Variants in MED12L observed in about 807,000 individuals in gnomAD.
MED12L encodes the protein mediator of RNA polymerase II transcription subunit 12-like protein.
MED12L carries 60 observed loss-of-function variants against 281.3 expected under a neutral mutation model. The ratio of observed to expected loss-of-function variants is 0.21; its 90% CI spans 0.17 to 0.26. The LOEUF is 0.26. MED12L is among the 10% of genes least tolerant of loss of function. The pLI is 1.00. For missense variants in MED12L, 2,146 were observed against 2,680.9 expected (o/e 0.80, Z 4.41); for synonymous variants, 974 against 987.2 (o/e 0.99, Z 0.25).
intron 16 of MED12L, among the ~76,000 whole-genome samples, chr3:151,290,398 C>G (rs543414345): frequency 6.6e-6 from 1 of 152,112 alleles, no homozygotes; most frequent in Non-Finnish European, 1.5e-5. Flanking sequence ...AAGAAAACTT[C>G]AAGAGTATTC....
chr3:151,214,046 C>T (rs770314422), intron 16 of MED12L: 32 of 1,614,020 alleles, frequency 2.0e-5, no homozygotes, highest in South Asian at 1.6e-4. Context: ...CACACAAACA[C>T]GTTCAGCTGC....
intron 16 of MED12L, among the ~76,000 whole-genome samples, chr3:151,339,387 G>A (rs1388626): frequency 0.85 from 127,974 of 150,886 alleles, 54,307 homozygotes; most frequent in Middle Eastern, 0.95. Flanking sequence ...GAAATTGATG[G>A]AAAATTACTC....
chr3:151,268,500 A>T (rs1000971456), intron 16 of MED12L, among the ~76,000 whole-genome samples: 1 of 152,216 alleles, frequency 6.6e-6, no homozygotes, highest in African/African-American at 2.4e-5. Flanking sequence ...GAACCATAAC[A>T]TGAGTTCTAA....
At position 151,357,350 on chromosome 3, in the gene MED12L, T is replaced by C. The variant is rs750205465; in HGVS notation, c.2799T>C (p.Pro933=). Residue 933 remains proline, a synonymous_variant, in exon 20 of 45, where the codon CCT becomes CCC. Transcript: ENST00000687756. ...RRYHSCLILN[P]DQTAQVFEGL... ...ATCACAGTTGTCTAATCTTGAATCCTGATCAGACAGCCCAGGTGTTTGAAG... is the reference window on the plus strand; with the variant it reads ...ATCACAGTTGTCTAATCTTGAATCCCGATCAGACAGCCCAGGTGTTTGAAG... 1 of 1,612,404 alleles carries C rather than the reference T, an allele frequency of 6.2e-7. No homozygotes were observed. Among genetic ancestry groups the C allele is most frequent in the Admixed American group, 1.7e-5 (1 of 59,626 alleles).
chr3:151,115,241 G>A (rs191790085), intron 2 of MED12L, among the ~76,000 whole-genome samples: 43 of 151,230 alleles, frequency 2.8e-4, no homozygotes, highest in Admixed American at 7.9e-4. Flanking sequence ...AAGTTGGTGA[G>A]CCAGCTTTCT....
At chr3:151,374,934 T>TA (rs200230535) in intron 27 of MED12L, among the ~76,000 whole-genome samples, 75 of 151,542 alleles carry the variant, frequency 4.9e-4, no homozygotes, top group South Asian at 2.3e-3. Flanking sequence ...AGTTCTCTTA[T>TA]AAAAAAAAAG....
chr3:151,127,825 G>A lies in MED12L; in HGVS notation c.397G>A (p.Val133Ile). Residue 133 changes from valine (V) to isoleucine (I), a missense_variant and splice_region_variant, in exon 5 of 45, where the codon GTT becomes ATT. By Grantham distance (29) the Val-to-Ile change is conservative. Around this residue, in one of 9 missense-constraint regions of MED12L, gnomAD observed 722 missense variants for 861.2 expected, o/e 0.84. Coordinates refer to ENST00000687756, the MANE Select transcript of MED12L (RefSeq NM_001393769.1). ...AATATACTATGTTGTTTCTTTTTAG[G>A]TTCCTATCCTTAGTAAAAAAGAGGA... ...NKPLSILAKK[V>I]PILSKKEDVF... 6.3e-7 allele frequency: 1 copy of A among 1,594,608 alleles called. No individual in the cohort carries two copies. Among genetic ancestry groups the A allele is most frequent in the Non-Finnish European group, 8.6e-7 (1 of 1,163,438 alleles).
chr3:151,331,724 G>A (rs972694986), intron 16 of MED12L, among the ~76,000 whole-genome samples: 18 of 152,304 alleles, frequency 1.2e-4, no homozygotes, highest in Admixed American at 1.2e-3. Flanking sequence ...AGGAAATGTA[G>A]TTAAAAATCA....
intron 5 of MED12L, among the ~76,000 whole-genome samples, chr3:151,137,625 G>A (rs1213060747): frequency 6.6e-6 from 1 of 152,124 alleles, no homozygotes; most frequent in Non-Finnish European, 1.5e-5. Flanking sequence ...CTTATCTTTA[G>A]CATTTCCTAT....
At chr3:151,377,470 G>A (rs909328098) in intron 30 of MED12L, among the ~76,000 whole-genome samples, 4 of 152,084 alleles carry the variant, frequency 2.6e-5, no homozygotes, top group South Asian at 2.1e-4. Flanking sequence ...TATGGGAAAC[G>A]CTTTTTCCAC....
chr3:151,395,128 T>C (rs6440739), intron 39 of MED12L, among the ~76,000 whole-genome samples: 136,155 of 152,266 alleles, frequency 0.89, 60,962 homozygotes, highest in Middle Eastern at 0.95. Flanking sequence ...TGATGACTTT[T>C]GGTCAATTAG....
rs184676252 is a variant in MED12L, at chr3:151,424,514, G to A, written c.6409-5785G>A. 3.0e-4 allele frequency among the ~76,000 whole-genome samples: 46 copies of A among 152,268 alleles called. No individual in the cohort carries two copies. The East Asian group carries it at 6.0e-3, about 20-fold the overall frequency. On this transcript the variant is annotated intron_variant, in intron 43 of 44. Transcript: ENST00000687756. ...GGCGCTGGTAGTCCCAGCTACCCGGGAGGCTGAGGCAGGAGAATGGCGTGA... is the reference window on the plus strand; with the variant it reads ...GGCGCTGGTAGTCCCAGCTACCCGGAAGGCTGAGGCAGGAGAATGGCGTGA...
At chr3:151,158,961 A>C (rs1339619195) in intron 7 of MED12L, among the ~76,000 whole-genome samples, 162 bp downstream of exon 7, 1 of 152,226 alleles carries the variant, frequency 6.6e-6, no homozygotes. Flanking sequence ...AAGGCTTCTA[A>C]TAAGTTTTAG....
intron 16 of MED12L, chr3:151,199,414 A>T: frequency 6.4e-7 from 1 of 1,551,834 alleles, no homozygotes; most frequent in Non-Finnish European, 8.7e-7. Context: ...ATGACTGCTT[A>T]TTGAAAAGAA....
chr3:151,160,201 C>T (rs1314698820), intron 8 of MED12L, 100 bp downstream of exon 8: 1 of 1,152,830 alleles, frequency 8.7e-7, no homozygotes, highest in Non-Finnish European at 1.2e-6. Context: ...TTTTACAACT[C>T]TAGTTTTTTC....
intron 5 of MED12L, among the ~76,000 whole-genome samples, chr3:151,151,758 CATA>C (rs1482110110): frequency 3.9e-5 from 6 of 152,050 alleles, no homozygotes; most frequent in Non-Finnish European, 8.8e-5. Flanking sequence ...CCATAACAGA[CATA>C]ATAATAACTG....
chr3:151,295,150 C>T, intron 16 of MED12L: 1 of 1,613,536 alleles, frequency 6.2e-7, no homozygotes, highest in Non-Finnish European at 8.5e-7. Context: ...GGGTGGTGTT[C>T]TTTCCTGGCC....
intron 16 of MED12L, among the ~76,000 whole-genome samples, chr3:151,243,455 C>A (rs1250859188): frequency 6.6e-6 from 1 of 152,004 alleles, no homozygotes; most frequent in African/African-American, 2.4e-5. Flanking sequence ...GAGTGGGGGC[C>A]AATATTCAAC....
At chr3:151,333,135 C>G (rs1434735534) in intron 16 of MED12L, among the ~76,000 whole-genome samples, 1 of 152,124 alleles carries the variant, frequency 6.6e-6, no homozygotes, top group Non-Finnish European at 1.5e-5. Context: ...TTTTCTTTAT[C>G]CAGTATACCA....
Sources: allele counts gnomAD v4.1 joint callset (sites outside exome capture counted in the v4.1 genomes callset), GRCh38; gene constraint gnomAD v4.1.1; regional missense constraint gnomAD v4.1.1; transcripts MANE v1.5; gene names NCBI Gene and HGNC (gene_info 2026-07-23, HGNC 2026-07-21).